Variants in ADGRG6 observed in about 807,000 individuals in gnomAD.
ADGRG6 encodes the protein adhesion G protein-coupled receptor G6.
Under a neutral mutation model 142.4 loss-of-function variants are expected in ADGRG6, and 84 were observed. The observed-to-expected ratio is 0.59, with a 90% confidence interval of 0.49 to 0.71. The LOEUF (loss-of-function observed/expected upper bound fraction) is 0.71, where lower values mean the gene tolerates loss of function less well. Ranked by LOEUF, ADGRG6 falls within the 30% of genes least tolerant of loss-of-function variation. The pLI, the probability that ADGRG6 is intolerant of heterozygous loss-of-function variation, is 0.00. For synonymous variants in ADGRG6, 521 were observed against 520.5 expected (o/e 1.00, Z -0.01); for missense variants, 1,367 against 1,466.6 (o/e 0.93, Z 1.11).
At chr6:142,341,593 T>TTATATATACTATATAATATATA (rs1562324085) in intron 2 of ADGRG6, among the ~76,000 whole-genome samples, 1 of 126,844 alleles carries the variant, frequency 7.9e-6, no homozygotes, top group African/African-American at 3.0e-5. Flanking sequence ...TATAATATTA[T>TTATATATACTATATAATATATA]ATATTATATA....
At chr6:142,391,299 C>T (rs940341718) in intron 7 of ADGRG6, among the ~76,000 whole-genome samples, 39 of 151,554 alleles carry the variant, frequency 2.6e-4, no homozygotes, top group Middle Eastern at 3.4e-3. Flanking sequence ...AATGCTGTTA[C>T]AGTTCAAACA....
At chr6:142,323,137 T>G (rs1778599048) in intron 2 of ADGRG6, among the ~76,000 whole-genome samples, 1 of 151,320 alleles carries the variant, frequency 6.6e-6, no homozygotes, top group Non-Finnish European at 1.5e-5. Context: ...TTTTTTTGCC[T>G]ATGAAGACTG....
chr6:142,368,222 C>T (rs1781048393), intron 3 of ADGRG6, among the ~76,000 whole-genome samples: 1 of 152,164 alleles, frequency 6.6e-6, no homozygotes, highest in Non-Finnish European at 1.5e-5. Flanking sequence ...TAACATCTCT[C>T]CACTGAAAAT....
chr6:142,377,711 G>T (rs1011566260), intron 4 of ADGRG6, among the ~76,000 whole-genome samples: 1 of 152,150 alleles, frequency 6.6e-6, no homozygotes, highest in Non-Finnish European at 1.5e-5. Context: ...ACCTCCTGAT[G>T]TGTAAATCCA....
intron 2 of ADGRG6, among the ~76,000 whole-genome samples, chr6:142,357,249 C>CTCAT (rs531895659): frequency 6.6e-6 from 1 of 152,136 alleles, no homozygotes; most frequent in Non-Finnish European, 1.5e-5. Flanking sequence ...CCCTCTCTCT[C>CTCAT]TCATTCATAC....
intron 2 of ADGRG6, among the ~76,000 whole-genome samples, chr6:142,360,686 T>C (rs1352920671): frequency 6.6e-6 from 1 of 152,170 alleles, no homozygotes; most frequent in Non-Finnish European, 1.5e-5. Context: ...TGAGACACAG[T>C]TTCGCTCTGT....
chr6:142,408,517 A>G (rs191914714), intron 16 of ADGRG6, among the ~76,000 whole-genome samples: 36 of 152,182 alleles, frequency 2.4e-4, no homozygotes, highest in African/African-American at 7.7e-4. Context: ...AAGGGCTTCT[A>G]TTTTTCAGAT....
intron 22 of ADGRG6, among the ~76,000 whole-genome samples, chr6:142,435,364 C>T (rs1331663850): frequency 6.6e-6 from 1 of 152,116 alleles, no homozygotes; most frequent in African/African-American, 2.4e-5. Flanking sequence ...AAAAGCCCTC[C>T]CTTATGTAGA....
chr6:142,368,607 C>T (rs986835544), intron 3 of ADGRG6, among the ~76,000 whole-genome samples: 5 of 151,280 alleles, frequency 3.3e-5, no homozygotes. Flanking sequence ...ATAAAAATGA[C>T]TATTATGATT....
Position 142,361,411 on chromosome 6 carries a change from C to T in ADGRG6, c.104-6158C>T, listed in dbSNP as rs115757618. 5.5e-3 allele frequency among the ~76,000 whole-genome samples: 837 copies of T among 152,160 alleles called. 7 individuals carry two copies. Among genetic ancestry groups the T allele is most frequent in the African/African-American group, 0.019 (778 of 41,494 alleles). ...CCCATGCTGCTTGTCTGAGATCCTC[C>T]GGCCAAACAGAAAGGATTGTAAAGG... On this transcript the variant is annotated intron_variant, in intron 2 of 24. Coordinates refer to ENST00000367609, the MANE Select transcript of ADGRG6 (RefSeq NM_198569.3).
chr6:142,400,861 A>C (rs982498520), intron 11 of ADGRG6: 1 of 320,796 alleles, frequency 3.1e-6, no homozygotes, highest in East Asian at 5.7e-5. Flanking sequence ...GTAGCACCAG[A>C]GCAAAGTACC....
chr6:142,334,823 G>A (rs1228650981), intron 2 of ADGRG6, among the ~76,000 whole-genome samples: 1 of 152,128 alleles, frequency 6.6e-6, no homozygotes, highest in Non-Finnish European at 1.5e-5. Context: ...CAGTACTTAG[G>A]CTTATGAAAT....
At chr6:142,335,602 C>T (rs1779272677) in intron 2 of ADGRG6, among the ~76,000 whole-genome samples, 2 of 151,972 alleles carry the variant, frequency 1.3e-5, no homozygotes, top group South Asian at 4.2e-4. Flanking sequence ...GTGCATGGAA[C>T]AGAGGTCAGG....
intron 2 of ADGRG6, among the ~76,000 whole-genome samples, chr6:142,311,009 G>A (rs1358397222): frequency 2.0e-5 from 3 of 151,848 alleles, no homozygotes; most frequent in African/African-American, 7.2e-5. Context: ...TGAGACCACG[G>A]CACCTCCAAT....
At chr6:142,396,219 A>C (rs1367334105) in intron 9 of ADGRG6, among the ~76,000 whole-genome samples, 1 of 152,334 alleles carries the variant, frequency 6.6e-6, no homozygotes, top group East Asian at 1.9e-4. Flanking sequence ...TCTTTAAACA[A>C]TGACTTAATC....
rs1776586090 is a variant in ADGRG6 at position 142,420,050 on chromosome 6, G to A, written c.3265G>A (p.Gly1089Arg). The A allele has an allele frequency of 1.2e-6, 2 of 1,613,074 alleles. No homozygotes were observed. Among genetic ancestry groups the A allele is most frequent in the Non-Finnish European group, 1.7e-6 (2 of 1,179,394 alleles). ...MTWGFAFFAWGPLNIPFMYLF... is the reference protein window; with the variant it reads ...MTWGFAFFAWRPLNIPFMYLF... ...ATGGGGTTTTGCATTCTTTGCCTGG[G>A]GACCCTTAAATATCCCCTTCATGTA... Residue 1089 changes from glycine to arginine, a missense_variant, in exon 22 of 25, where the codon GGA becomes AGA. Transcript: ENST00000367609.
rs753906754 is a variant in ADGRG6, at chr6:142,400,519, C to T, written c.1602C>T (p.Tyr534=). 6 of 1,600,024 alleles carry T rather than the reference C, an allele frequency of 3.7e-6. No individual in the cohort carries two copies. Among genetic ancestry groups the T allele is most frequent in the Non-Finnish European group, 5.1e-6 (6 of 1,167,744 alleles). Residue 534 remains tyrosine (Y), a synonymous_variant, in exon 11 of 25, where the codon TAC becomes TAT. Coordinates refer to ENST00000367609, the MANE Select transcript of ADGRG6 (RefSeq NM_198569.3). ...HCLAMEEPKG[Y]YWPSIQPSEY... is the part of the protein sequence containing the mutation. ...TTGCCATGGAGGAACCCAAAGGCTA[C>T]TACTGGCCATCTATCCAACCTTCTG... is the stretch of plus-strand genomic sequence containing the variant.
Position 142,415,843 on chromosome 6 carries a change from C to G in ADGRG6, c.2717C>G (p.Thr906Arg), listed in dbSNP as rs1776323883. The change falls in exon 20 of 25, where the codon ACA becomes AGA. Residue 906 changes from threonine (T) to arginine (R), a missense_variant. Thr to Arg is a moderately conservative substitution (Grantham distance 71, BLOSUM62 -1). Coordinates refer to ENST00000367609, the MANE Select transcript of ADGRG6 (RefSeq NM_198569.3). ...TCCAAAATCTTGATGAACCTGAGCA[C>G]AGCCCTGCTGTTCCTGAATCTCCTC... ...YPSKILMNLS[T>R]ALLFLNLLFL... 6.2e-7 allele frequency: 1 copy of G among 1,612,426 alleles called. No individual in the cohort carries two copies. The highest frequency in any genetic ancestry group is 1.3e-5 in the African/African-American group (1 of 74,890).
intron 10 of ADGRG6, among the ~76,000 whole-genome samples, chr6:142,398,926 T>G (rs773264043): frequency 1.3e-5 from 2 of 152,206 alleles, no homozygotes; most frequent in Non-Finnish European, 2.9e-5. Context: ...ATTTTCTTTT[T>G]TCTTTAACTC....
Sources: gnomAD v4.1 joint callset for allele counts (sites outside exome capture counted in the v4.1 genomes callset) on GRCh38, gnomAD v4.1.1 for gene constraint, MANE v1.5 for transcripts, NCBI Gene and HGNC (gene_info 2026-07-23, HGNC 2026-07-21) for gene names.